Variants in TMEM178B observed in about 807,000 individuals in gnomAD.
The protein encoded by TMEM178B is transmembrane protein 178B.
In TMEM178B, 5 loss-of-function variants were observed where a neutral mutation model predicts 31.0. The ratio of observed to expected loss-of-function variants is 0.16; its 90% CI spans 0.08 to 0.34. TMEM178B has a LOEUF of 0.34. TMEM178B is among the 10% of genes least tolerant of loss of function. The pLI is 1.00. For synonymous variants in TMEM178B, 164 were observed against 164.0 expected (o/e 1.00, Z 0.00); for missense variants, 275 against 400.3 (o/e 0.69, Z 2.67).
chr7:141,224,202 G>A (rs1029795586), intron 2 of TMEM178B, among the ~76,000 whole-genome samples: 7 of 152,170 alleles, frequency 4.6e-5, no homozygotes, highest in African/African-American at 1.7e-4. Flanking sequence ...GGAACTGTGA[G>A]TCCATTAAAC....
At chr7:141,165,230 A>G (rs2129182132) in intron 1 of TMEM178B, among the ~76,000 whole-genome samples, 1 of 152,194 alleles carries the variant, frequency 6.6e-6, no homozygotes, top group Non-Finnish European at 1.5e-5. Flanking sequence ...CCCACGTTGC[A>G]TGTAATCATT....
chr7:141,120,434 C>T (rs758976017), intron 1 of TMEM178B, among the ~76,000 whole-genome samples: 24 of 152,052 alleles, frequency 1.6e-4, no homozygotes, highest in Non-Finnish European at 3.4e-4. Flanking sequence ...ACAAGATAAT[C>T]GTAGCTTTTA....
At chr7:141,389,730 A>G (rs940793296) in intron 2 of TMEM178B, among the ~76,000 whole-genome samples, 3 of 152,232 alleles carry the variant, frequency 2.0e-5, no homozygotes, top group Non-Finnish European at 4.4e-5. Context: ...GGAGATGTCT[A>G]AATGAATCTA....
the TMEM178B span, among the ~76,000 whole-genome samples, chr7:141,498,187 T>A: frequency 5.3e-5 from 8 of 152,262 alleles, no homozygotes; most frequent in Non-Finnish European, 1.2e-4. Context: ...AATCTCATTA[T>A]GTTTGACACC....
chr7:141,336,570 T>A (rs1323061476), intron 2 of TMEM178B, among the ~76,000 whole-genome samples: 1 of 152,056 alleles, frequency 6.6e-6, no homozygotes, highest in Non-Finnish European at 1.5e-5. Flanking sequence ...TGTTGTAAAG[T>A]TCCTAACACA....
chr7:141,497,226 T>C, the TMEM178B span, among the ~76,000 whole-genome samples: 1 of 152,186 alleles, frequency 6.6e-6, no homozygotes, highest in Non-Finnish European at 1.5e-5. Flanking sequence ...ATCTTTACCT[T>C]GACCAGAAGG....
intron 2 of TMEM178B, among the ~76,000 whole-genome samples, chr7:141,404,372 A>T (rs568952553): frequency 3.3e-5 from 5 of 152,240 alleles, no homozygotes; most frequent in Non-Finnish European, 7.3e-5. Flanking sequence ...ACAGTTTTAG[A>T]GGCTGGAAGT....
At chr7:141,184,478 G>T (rs1490022870) in intron 1 of TMEM178B, among the ~76,000 whole-genome samples, 1 of 152,108 alleles carries the variant, frequency 6.6e-6, no homozygotes, top group Non-Finnish European at 1.5e-5. Flanking sequence ...CTCTCTGCCA[G>T]CAAGACCCAC....
At chr7:141,338,943 G>A (rs573324086) in intron 2 of TMEM178B, among the ~76,000 whole-genome samples, 1 of 152,314 alleles carries the variant, frequency 6.6e-6, no homozygotes, top group East Asian at 1.9e-4. Context: ...TGACCTAGAA[G>A]CTAGAGCTGC....
At chr7:141,139,290 A>G (rs1045562220) in intron 1 of TMEM178B, among the ~76,000 whole-genome samples, 4 of 152,302 alleles carry the variant, frequency 2.6e-5, no homozygotes, top group African/African-American at 9.6e-5. Context: ...AATGGTTTCC[A>G]TCTTTGCTCA....
the TMEM178B span, among the ~76,000 whole-genome samples, chr7:141,498,303 C>T: frequency 6.6e-6 from 1 of 152,222 alleles, no homozygotes; most frequent in African/African-American, 2.4e-5. Context: ...AGAATATTTT[C>T]CAGTTGCCTC....
At chr7:141,099,274 A>G (rs2129173368) in intron 1 of TMEM178B, among the ~76,000 whole-genome samples, 1 of 152,348 alleles carries the variant, frequency 6.6e-6, no homozygotes, top group Middle Eastern at 3.4e-3. Context: ...CCTTCCCAGG[A>G]GAACATGCTA....
downstream of TMEM178B, among the ~76,000 whole-genome samples, chr7:141,484,954 G>A (rs1802532097): frequency 6.6e-6 from 1 of 152,072 alleles, no homozygotes; most frequent in African/African-American, 2.4e-5. This position sits in a 1 kb window ranked among gnomAD's most constrained non-coding sequence, Gnocchi z 4.8. Context: ...ACCAGAAAAA[G>A]CATCAATTTA....
At chr7:141,377,721 A>G (rs1453619712) in intron 2 of TMEM178B, among the ~76,000 whole-genome samples, 1 of 152,168 alleles carries the variant, frequency 6.6e-6, no homozygotes, top group South Asian at 2.1e-4. Context: ...TAAATAAAAC[A>G]TATCAAAAAT....
chr7:141,380,142 T>G (rs1270820132), intron 2 of TMEM178B, among the ~76,000 whole-genome samples: 1 of 152,222 alleles, frequency 6.6e-6, no homozygotes, highest in Non-Finnish European at 1.5e-5. Context: ...TCTAGATGTG[T>G]ATTTTGGGGA....
chr7:141,213,836 G>A (rs1201294891), intron 2 of TMEM178B, among the ~76,000 whole-genome samples: 1 of 152,202 alleles, frequency 6.6e-6, no homozygotes, highest in Non-Finnish European at 1.5e-5. Flanking sequence ...GTGGCTGCGT[G>A]TCCAGATGAT....
intron 2 of TMEM178B, among the ~76,000 whole-genome samples, chr7:141,384,813 C>G (rs879923340): frequency 6.6e-6 from 1 of 151,972 alleles, no homozygotes; most frequent in African/African-American, 2.4e-5. Flanking sequence ...GGCAGAGTTA[C>G]CCATCTTTCT....
Position 141,074,593 on chromosome 7 carries a change from G to A in TMEM178B, c.283G>A (p.Asp95Asn). 6.5e-7 allele frequency: 1 copy of A among 1,535,894 alleles called. No homozygotes were observed. The highest frequency in any genetic ancestry group is 2.4e-5 in the East Asian group (1 of 40,902). Reference protein sequence around the residue: ...RRQLFAMSPADECSRQYNSTN... With the variant: ...RRQLFAMSPANECSRQYNSTN... Reference sequence around the variant, plus strand: ...GCAGCTGTTCGCCATGAGCCCCGCGGACGAGTGCAGCCGGCAGTACAACTC... The same window carrying A: ...GCAGCTGTTCGCCATGAGCCCCGCGAACGAGTGCAGCCGGCAGTACAACTC... Residue 95 changes from aspartate to asparagine, a missense_variant, in exon 1 of 4, where the codon GAC becomes AAC. Transcript: ENST00000565468. The surrounding 1 kb of genome is among the most constrained non-coding windows in gnomAD (Gnocchi z 5.1).
chr7:141,419,277 C>G (rs956285546), intron 2 of TMEM178B, among the ~76,000 whole-genome samples: 1 of 152,172 alleles, frequency 6.6e-6, no homozygotes, highest in Non-Finnish European at 1.5e-5. Flanking sequence ...AGAAAGGCAA[C>G]ACTCTAGGTC....
Sources: gnomAD v4.1 joint callset for allele counts (sites outside exome capture counted in the v4.1 genomes callset) on GRCh38, gnomAD v4.1.1 for gene constraint, Gnocchi (gnomAD v3.1) non-coding constraint, MANE v1.5 for transcripts, NCBI Gene and HGNC (gene_info 2026-07-23, HGNC 2026-07-21) for gene names.